The following MYH13 variants were observed in gnomAD, a reference collection of about 807,000 sequenced individuals.
The protein encoded by MYH13 is myosin heavy chain 13, also known as myosin-13.
A neutral mutation model predicts 232.1 loss-of-function variants in MYH13; 177 were observed. The observed-to-expected ratio is 0.76, with a 90% CI of 0.67 to 0.86. The LOEUF (loss-of-function observed/expected upper bound fraction) is 0.86. MYH13 is among the 40% of genes least tolerant of loss of function. The pLI is 0.00. For missense variants in MYH13, 2,246 were observed against 2,405.9 expected (o/e 0.93, Z 1.39); for synonymous variants, 884 against 923.5 (o/e 0.96, Z 0.78).
chr17:10,325,322 A>G (rs1328341809), intron 22 of MYH13, among the ~76,000 whole-genome samples: 2 of 152,160 alleles, frequency 1.3e-5, no homozygotes, highest in African/African-American at 2.4e-5. Context: ...TTTAACTTTC[A>G]TTAAATTTAT....
rs201251488 is a variant in MYH13, at chr17:10,312,603, G to C, written c.4336C>G (p.Leu1446Val). The C allele has an allele frequency of 1.2e-6, 2 of 1,613,432 alleles. No individual in the cohort carries two copies. Among genetic ancestry groups the C allele is most frequent in the Admixed American group, 3.3e-5 (2 of 59,954 alleles). The change falls in exon 31 of 41, where the codon CTG (leucine) becomes GTG (valine). Residue 1446 changes from leucine (L) to valine (V), a missense_variant. Transcript: ENST00000252172. ...LERSHTACAT[L>V]DKKQRNFDKV... The stretch of plus-strand genomic sequence containing the variant: ...TCGAAGTTCCTCTGCTTCTTGTCCA[G>C]TGTGGCACAGGCGGTGTGGGAGCGC...
intron 18 of MYH13, among the ~76,000 whole-genome samples, chr17:10,334,294 T>C (rs910374752): frequency 6.6e-6 from 1 of 152,166 alleles, no homozygotes; most frequent in Non-Finnish European, 1.5e-5. Context: ...GGTTCCCTGG[T>C]AGCTGTGGGG....
At position 10,313,145 on chromosome 17, in the gene MYH13, C is replaced by T. The variant is rs1226510880; in HGVS notation, c.4181+13G>A. 1 of 1,614,050 alleles carries T rather than the reference C, an allele frequency of 6.2e-7. No individual in the cohort carries two copies. Among genetic ancestry groups the T allele is most frequent in the African/African-American group, 1.3e-5 (1 of 75,042 alleles). On this transcript the variant is annotated intron_variant, in intron 30 of 40. Coordinates refer to ENST00000252172, the MANE Select transcript of MYH13 (RefSeq NM_003802.3). ...TCGGGCCCCCTCTGCTATTGCCACC[C>T]TGGAGCCCCTACTTGGCCTCCTCCA...
chr17:10,317,648 C>G (rs1034217308), intron 27 of MYH13: 1 of 152,264 alleles, frequency 6.6e-6, no homozygotes, highest in Admixed American at 6.5e-5. Context: ...AGCACACATG[C>G]TCCACGAGGA....
chr17:10,312,181 C>A lies in MYH13; in HGVS notation c.4366-105G>T, dbSNP rs1906530523. 4 of 1,282,930 alleles carry A rather than the reference C, an allele frequency of 3.1e-6. No individual in the cohort carries two copies. The Admixed American group carries it at 6.5e-5, about 21-fold the overall frequency. 79.5% of individuals were successfully genotyped at this position (1,282,930 alleles called of 1,614,324 possible). A position where few individuals can be genotyped will look rare whatever the true frequency, so the allele number is the denominator to read the frequency against. On this transcript the variant is annotated intron_variant, in intron 31 of 40. Transcript: ENST00000252172. ...TAACACCAACGTTTTGCCCTTCCAT[C>A]CTTAGGGACTGAAGAAGGAGGAGGA... is the stretch of plus-strand genomic sequence containing the variant.
intron 3 of MYH13, 104 bp from the exon 4 acceptor site, chr17:10,362,607 G>A (rs1293425243): frequency 2.9e-5 from 40 of 1,397,082 alleles, no homozygotes; most frequent in East Asian, 4.6e-5. Context: ...AGGAATTACC[G>A]CATTGTGATG....
intron 12 of MYH13, among the ~76,000 whole-genome samples, chr17:10,348,187 T>C (rs1178972148): frequency 6.6e-6 from 1 of 152,220 alleles, no homozygotes; most frequent in African/African-American, 2.4e-5. Context: ...GGTACCATTA[T>C]TCTTCTTCTT....
intron 7 of MYH13, 123 bp from the exon 8 acceptor site, chr17:10,357,950 G>T (rs2071761551): frequency 5.0e-6 from 4 of 795,354 alleles, no homozygotes; most frequent in Non-Finnish European, 8.2e-6. Flanking sequence ...GCTCCACCTG[G>T]TGGTCAGTGC....
At chr17:10,301,731 G>A (rs1009267171) in intron 39 of MYH13, 28 bp from the exon 40 acceptor site, 9 of 1,609,604 alleles carry the variant, frequency 5.6e-6, no homozygotes, top group African/African-American at 1.3e-5. Context: ...GGGGTATGAC[G>A]CTGTAGAGCC....
intron 27 of MYH13, among the ~76,000 whole-genome samples, chr17:10,317,112 G>A (rs1369414679): frequency 4.6e-5 from 7 of 152,192 alleles, no homozygotes; most frequent in Non-Finnish European, 1.0e-4. Flanking sequence ...ACAGAGAGCA[G>A]CACACGGCAA....
At chr17:10,338,702 T>TTTTTTTG (rs1555550859) in intron 18 of MYH13, among the ~76,000 whole-genome samples, 3 of 142,450 alleles carry the variant, frequency 2.1e-5, no homozygotes, top group African/African-American at 2.6e-5. Context: ...TTTTTTTTTT[T>TTTTTTTG]TTTGTTTGTT....
In MYH13 at chr17:10,320,469, T is replaced by G; in HGVS notation, c.3139A>C (p.Lys1047Gln). ...GCCCTTTCCAAGTCCGCCCGCAGTT[T>G]CTTCTCCTGCTCTAAGGAACCCTCA... ...DLEGSLEQEKKLRADLERAKR... is the reference protein window; with the variant it reads ...DLEGSLEQEKQLRADLERAKR... Residue 1047 changes from lysine to glutamine, a missense_variant, in exon 25 of 41, where the codon AAA (lysine) becomes CAA (glutamine). Coordinates refer to ENST00000252172, the MANE Select transcript of MYH13 (RefSeq NM_003802.3). The G allele has an allele frequency of 6.2e-7, 1 of 1,613,472 alleles. No individual in the cohort carries two copies. The highest frequency in any genetic ancestry group is 8.5e-7 in the Non-Finnish European group (1 of 1,179,738).
intron 35 of MYH13, 82 bp downstream of exon 35, chr17:10,309,152 G>T: frequency 2.9e-6 from 4 of 1,395,690 alleles, no homozygotes; most frequent in Non-Finnish European, 3.9e-6. Flanking sequence ...TGAGTGGAGG[G>T]ATAGCGGAAG....
rs1226468870 is a variant in MYH13, at chr17:10,304,654, C to T, written c.5467-1156G>A. 1.3e-5 allele frequency among the ~76,000 whole-genome samples: 2 copies of T among 152,218 alleles called. No individual in the cohort carries two copies. Among genetic ancestry groups the T allele is most frequent in the Non-Finnish European group, 2.9e-5 (2 of 68,032 alleles). On this transcript the variant is annotated intron_variant, in intron 37 of 40. Coordinates refer to ENST00000252172, the MANE Select transcript of MYH13 (RefSeq NM_003802.3). This position sits in a 1 kb window ranked among gnomAD's most constrained non-coding sequence, Gnocchi z 5.3. ...CCCACTTGATAGACCCAAAGCAAGT[C>T]AGTCGCCACCACTGAGCATGAGTTT...
At position 10,338,578 on chromosome 17, in the gene MYH13, C is replaced by T. The variant is rs190472591; in HGVS notation, c.2056+1572G>A. Among the ~76,000 whole-genome samples, 43 of 151,942 alleles carry T rather than the reference C, an allele frequency of 2.8e-4. 1 individual carries two copies. Among genetic ancestry groups the T allele is most frequent in the Admixed American group, 2.4e-3 (36 of 15,250 alleles). On this transcript the variant is annotated intron_variant, in intron 18 of 40. Coordinates refer to ENST00000252172, the MANE Select transcript of MYH13 (RefSeq NM_003802.3). ...CTTGCACTTACTCATTGAACCCTCA[C>T]GACAACCCTCTAAGGTGGGTTAAAT...
In MYH13 at chr17:10,309,321, C is replaced by T; in HGVS notation, c.5082G>A (p.Val1694=). 2 of 1,613,942 alleles carry T rather than the reference C, an allele frequency of 1.2e-6. No individual in the cohort carries two copies. The highest frequency in any genetic ancestry group is 1.7e-6 in the Non-Finnish European group (2 of 1,179,844). ...LLLEELEEMK[V]ALEQTERTRR... is the part of the protein sequence containing the mutation. ...GGGTCCGCTCCGTCTGTTCCAGGGC[C>T]ACCTTCATTTCCTCCAGCTCCTCCA... The change falls in exon 35 of 41, where the codon GTG becomes GTA. Residue 1694 remains valine, a synonymous_variant. Coordinates refer to ENST00000252172, the MANE Select transcript of MYH13 (RefSeq NM_003802.3).
intron 20 of MYH13, among the ~76,000 whole-genome samples, chr17:10,330,961 G>A (rs1259980748): frequency 6.6e-6 from 1 of 152,052 alleles, no homozygotes; most frequent in African/African-American, 2.4e-5. Context: ...AGGTTGCAGT[G>A]AGCAGAGATT....
intron 31 of MYH13, 132 bp from the exon 32 acceptor site, chr17:10,312,208 C>A: frequency 2.9e-6 from 3 of 1,019,020 alleles, no homozygotes; most frequent in Non-Finnish European, 4.3e-6. Flanking sequence ...GGAGGAGGAG[C>A]ACTGTTCTAG....
chr17:10,316,562 C>T (rs1270998361), intron 27 of MYH13, among the ~76,000 whole-genome samples: 1 of 152,142 alleles, frequency 6.6e-6, no homozygotes, highest in Non-Finnish European at 1.5e-5. Flanking sequence ...GTAAACAACC[C>T]TTTGAGAAGA....
Sources: gnomAD v4.1 joint callset for allele counts (sites outside exome capture counted in the v4.1 genomes callset) on GRCh38, gnomAD v4.1.1 for gene constraint, Gnocchi (gnomAD v3.1) non-coding constraint, MANE v1.5 for transcripts, NCBI Gene and HGNC (gene_info 2026-07-23, HGNC 2026-07-21) for gene names.